The following FAM135B variants were observed in gnomAD, a reference collection of about 807,000 sequenced individuals.
FAM135B encodes the protein family with sequence similarity 135 member B, also known as protein FAM135B.
In FAM135B, 43 loss-of-function variants were observed where a neutral mutation model predicts 127.7. The observed-to-expected ratio is 0.34, with a 90% CI of 0.26 to 0.43. The LOEUF (loss-of-function observed/expected upper bound fraction) is 0.43, where lower values mean the gene tolerates loss of function less well. FAM135B is among the 20% of genes least tolerant of loss of function. The pLI, the probability that FAM135B is intolerant of heterozygous loss-of-function variation, is 1.00. For synonymous variants in FAM135B, 670 were observed against 665.1 expected (o/e 1.01, Z -0.11); for missense variants, 1,558 against 1,725.6 (o/e 0.90, Z 1.72).
At chr8:138,174,587 A>C (rs1165125981) in intron 11 of FAM135B, among the ~76,000 whole-genome samples, 1 of 152,212 alleles carries the variant, frequency 6.6e-6, no homozygotes, top group East Asian at 1.9e-4. Context: ...TCTCCTGAGT[A>C]GTATCTCGCT....
chr8:138,443,940 T>C (rs754843781), intron 1 of FAM135B, among the ~76,000 whole-genome samples: 2 of 151,838 alleles, frequency 1.3e-5, no homozygotes, highest in Non-Finnish European at 1.5e-5. Context: ...AGGCTCAAAA[T>C]AAAGGGATGG....
chr8:138,297,988 C>T (rs554077668), intron 3 of FAM135B, among the ~76,000 whole-genome samples: 13 of 152,274 alleles, frequency 8.5e-5, no homozygotes, highest in Admixed American at 2.6e-4. Context: ...TGCCCAGACC[C>T]GGGAGCTGGA....
chr8:138,231,274 A>C (rs1030097766), intron 7 of FAM135B, among the ~76,000 whole-genome samples: 1 of 151,716 alleles, frequency 6.6e-6, no homozygotes, highest in African/African-American at 2.4e-5. Context: ...GCCTACCTCA[A>C]CCTCCCAAAG....
At chr8:138,151,126 A>G in intron 13 of FAM135B, 68 bp downstream of exon 13, 2 of 1,257,214 alleles carry the variant, frequency 1.6e-6, no homozygotes, top group South Asian at 3.6e-5. Flanking sequence ...AGTATGCATG[A>G]AATGGAGAAA....
At chr8:138,452,296 G>A (rs1587488620) in intron 1 of FAM135B, among the ~76,000 whole-genome samples, 1 of 151,640 alleles carries the variant, frequency 6.6e-6, no homozygotes, top group Non-Finnish European at 1.5e-5. Flanking sequence ...AATTTTTATA[G>A]TTTTAGTAGA....
chr8:138,147,958 C>G (rs1817793367), intron 14 of FAM135B, among the ~76,000 whole-genome samples: 1 of 152,108 alleles, frequency 6.6e-6, no homozygotes, highest in Admixed American at 6.6e-5. Flanking sequence ...AGCAAAGTCC[C>G]TGGTATACAA....
intron 4 of FAM135B, among the ~76,000 whole-genome samples, chr8:138,258,602 T>G (rs369104975): frequency 6.6e-6 from 1 of 152,180 alleles, no homozygotes; most frequent in East Asian, 1.9e-4. Flanking sequence ...AATTTTAAAC[T>G]TGCTGCAATT....
At chr8:138,485,548 T>C (rs1000971912) in intron 1 of FAM135B, among the ~76,000 whole-genome samples, 1 of 152,218 alleles carries the variant, frequency 6.6e-6, no homozygotes, top group Non-Finnish European at 1.5e-5. Flanking sequence ...GCAAATTTTA[T>C]TAAAAATTCC....
chr8:138,144,809 C>T (rs1016012829), intron 15 of FAM135B, among the ~76,000 whole-genome samples: 4 of 152,068 alleles, frequency 2.6e-5, no homozygotes, highest in Middle Eastern at 3.2e-3. Flanking sequence ...GCCATGAAGC[C>T]GCATCAGAGA....
intron 2 of FAM135B, among the ~76,000 whole-genome samples, chr8:138,336,936 T>C (rs1189251717): frequency 1.3e-5 from 2 of 152,220 alleles, no homozygotes; most frequent in Non-Finnish European, 2.9e-5. Context: ...ATCCCTGGGA[T>C]GCAAGGCTGG....
intron 1 of FAM135B, among the ~76,000 whole-genome samples, chr8:138,445,056 A>C (rs1218901192): frequency 2.0e-5 from 3 of 152,254 alleles, no homozygotes; most frequent in Non-Finnish European, 2.9e-5. Context: ...AATCTAGAAG[A>C]AATGGATAAA....
At chr8:138,366,518 T>A (rs1443647586) in intron 2 of FAM135B, among the ~76,000 whole-genome samples, 1 of 152,208 alleles carries the variant, frequency 6.6e-6, no homozygotes, top group Non-Finnish European at 1.5e-5. Context: ...GCTCAGCCTC[T>A]GTGAATGCTG....
In FAM135B at chr8:138,207,799, TCC is replaced by T. The variant is rs1186970457; in HGVS notation, c.670-10132_670-10131del. Among the ~76,000 whole-genome samples the T allele has an allele frequency of 2.0e-5, 3 of 152,304 alleles. No homozygotes were observed. In the East Asian group the frequency reaches 5.8e-4, roughly 29 times the overall value. On this transcript the variant is annotated intron_variant, in intron 7 of 19. Transcript: ENST00000395297. ...AATAAGAAACAGGTCTGCCTTGTTC[TCC>T]CTCAAAGGCGTCAATCTCCATCACT...
rs764286538 is a variant in FAM135B, at chr8:138,169,881, C to T, written c.1104-1832G>A. Among the ~76,000 whole-genome samples, 17 of 152,316 alleles carry T rather than the reference C, an allele frequency of 1.1e-4. No individual in the cohort carries two copies. The East Asian group carries it at 2.1e-3, about 19-fold the overall frequency. Reference sequence around the variant, plus strand: ...ATGCAGGCTGTGATCTAGGGAAATGCAGCTTCTTGAGCACAGGGCTTTCGT... The same window carrying T: ...ATGCAGGCTGTGATCTAGGGAAATGTAGCTTCTTGAGCACAGGGCTTTCGT... On this transcript the variant is annotated intron_variant, in intron 11 of 19. Transcript: ENST00000395297.
At chr8:138,324,136 C>T (rs1827642053) in intron 2 of FAM135B, among the ~76,000 whole-genome samples, 1 of 152,200 alleles carries the variant, frequency 6.6e-6, no homozygotes, top group Admixed American at 6.5e-5. Flanking sequence ...CATTTTCTGC[C>T]ATTTTTCAAT....
chr8:138,159,497 C>G (rs1169254021), intron 12 of FAM135B, among the ~76,000 whole-genome samples: 2 of 150,246 alleles, frequency 1.3e-5, no homozygotes, highest in African/African-American at 2.5e-5. Flanking sequence ...AGCAAACTAT[C>G]GCAAGGACAG....
At chr8:138,202,235 C>T (rs1465763469) in intron 7 of FAM135B, among the ~76,000 whole-genome samples, 1 of 111,184 alleles carries the variant, frequency 9.0e-6, no homozygotes, top group South Asian at 3.6e-4. Context: ...AGATACAGGG[C>T]AAACAGTCTG....
intron 1 of FAM135B, among the ~76,000 whole-genome samples, chr8:138,469,571 T>C (rs535285688): frequency 3.9e-5 from 6 of 152,224 alleles, no homozygotes; most frequent in Admixed American, 3.9e-4. Flanking sequence ...AACTGGACAA[T>C]GGGCTTATAC....
In FAM135B at chr8:138,141,879, C is replaced by T. The variant is rs190923686; in HGVS notation, c.3639-530G>A. 5.9e-5 allele frequency among the ~76,000 whole-genome samples: 9 copies of T among 152,268 alleles called. No individual in the cohort carries two copies. In the East Asian group the frequency reaches 9.7e-4, roughly 16 times the overall value. On this transcript the variant is annotated intron_variant, in intron 16 of 19. Transcript: ENST00000395297. The surrounding 1 kb of genome is among the most constrained non-coding windows in gnomAD (Gnocchi z 4.7). ...AGCCATACTGCTACTCACAGGCCCA[C>T]GTGTTCAATGAATCATTATTCTCAA...
Sources: allele counts gnomAD v4.1 joint callset (sites outside exome capture counted in the v4.1 genomes callset), GRCh38; gene constraint gnomAD v4.1.1; non-coding constraint Gnocchi (gnomAD v3.1); transcripts MANE v1.5; gene names NCBI Gene and HGNC (gene_info 2026-07-23, HGNC 2026-07-21).